The following CCNK variants were observed in gnomAD, a reference collection of about 807,000 sequenced individuals.
CCNK encodes the protein cyclin K, also known as cyclin-K.
In CCNK, 9 loss-of-function variants were observed where a neutral mutation model predicts 65.0. The ratio of observed to expected loss-of-function variants is 0.14; its 90% CI spans 0.08 to 0.24. CCNK has a LOEUF of 0.24. Ranked by LOEUF, CCNK falls within the 10% of genes least tolerant of loss-of-function variation. CCNK has a pLI of 1.00. For missense variants in CCNK, 474 were observed against 720.0 expected (o/e 0.66, Z 3.91); for synonymous variants, 279 against 270.8 (o/e 1.03, Z -0.30).
chr14:99,503,569 T>C (rs1360419591), intron 8 of CCNK, 42 bp from the exon 9 acceptor site: 2 of 1,530,122 alleles, frequency 1.3e-6, no homozygotes, highest in Non-Finnish European at 1.8e-6. Flanking sequence ...CTCATCATAC[T>C]CAGGATCCCA....
chr14:99,503,226 C>A, intron 8 of CCNK: 1 of 672,988 alleles, frequency 1.5e-6, no homozygotes, highest in South Asian at 1.6e-5. Flanking sequence ...CTGTTTCATC[C>A]CTGCCAGGGT....
intron 6 of CCNK, chr14:99,501,820 G>T: frequency 4.3e-6 from 1 of 232,534 alleles, no homozygotes; most frequent in South Asian, 8.0e-5. Context: ...CCTGTGAATG[G>T]AGTTGCTGCC....
chr14:99,510,542 C>G lies in CCNK; in HGVS notation c.1503C>G (p.Pro501=), dbSNP rs1175142398. 7 of 447,766 alleles carry G rather than the reference C, an allele frequency of 1.6e-5. No individual in the cohort carries two copies. Among genetic ancestry groups the G allele is most frequent in the Non-Finnish European group, 2.3e-5 (6 of 265,094 alleles). The allele number at this position is 447,766 out of a possible 1,614,324, so 27.7% of individuals were successfully genotyped here. ...CCTTCCCCCCACCTGCCATCCCACC[C>G]CCTACTCCTGGCTACCCCCCACCCC... is the stretch of plus-strand genomic sequence containing the variant. ...PASFPPPAIP[P]PTPGYPPPPP... The change falls in exon 11 of 11, where the codon CCC becomes CCG. Residue 501 remains proline (P), a synonymous_variant. Transcript: ENST00000389879.
At chr14:99,492,279 G>C (rs781430001) in intron 1 of CCNK, 2 of 165,506 alleles carry the variant, frequency 1.2e-5, no homozygotes, top group East Asian at 1.9e-4. Context: ...CTGGACCAGC[G>C]TTAGAGGACC....
At chr14:99,499,609 C>T (rs555013837) in intron 4 of CCNK, among the ~76,000 whole-genome samples, 1 of 152,300 alleles carries the variant, frequency 6.6e-6, no homozygotes, top group Non-Finnish European at 1.5e-5. Flanking sequence ...GTCCTCCCCG[C>T]ACACAGTGTC....
intron 6 of CCNK, 192 bp from the exon 7 acceptor site, chr14:99,502,012 TTAC>T: frequency 1.9e-6 from 1 of 521,142 alleles, no homozygotes; most frequent in Non-Finnish European, 3.1e-6. Context: ...AATAGAGAAA[TTAC>T]TAACTATGGT....
chr14:99,497,289 A>C (rs1187926607), intron 4 of CCNK, among the ~76,000 whole-genome samples: 1 of 152,176 alleles, frequency 6.6e-6, no homozygotes, highest in Non-Finnish European at 1.5e-5. Context: ...TGATATTTTT[A>C]CTGTCTCTAT....
intron 9 of CCNK, 133 bp downstream of exon 9, chr14:99,503,777 C>A: frequency 1.4e-6 from 1 of 707,336 alleles, no homozygotes; most frequent in Non-Finnish European, 2.4e-6. Context: ...CAAAACTTTT[C>A]CATCAGCATT....
chr14:99,507,036 A>G, intron 9 of CCNK, 40 bp from the exon 10 acceptor site: 1 of 1,164,922 alleles, frequency 8.6e-7, no homozygotes, highest in Non-Finnish European at 1.3e-6. Context: ...ATTCATGTGA[A>G]GAAGTATGAG....
rs1174944768 is a variant in CCNK, at chr14:99,503,659, T to A, written c.1045+15T>A. On this transcript the variant is annotated intron_variant, in intron 9 of 10. Coordinates refer to ENST00000389879, the MANE Select transcript of CCNK (RefSeq NM_001099402.2). ...CAAAGCAGCAGGTAATTTCCTGTTC[T>A]GATGTTTTTTTAGTTTTATGTGTTT... 1.9e-5 allele frequency: 30 copies of A among 1,552,102 alleles called. No homozygotes were observed. The highest frequency in any genetic ancestry group is 2.4e-5 in the Non-Finnish European group (27 of 1,146,350).
chr14:99,493,653 T>A, intron 3 of CCNK, 58 bp downstream of exon 3: 1 of 1,159,414 alleles, frequency 8.6e-7, no homozygotes, highest in South Asian at 1.3e-5. Context: ...CCACACAGTT[T>A]GGTGGACTAA....
chr14:99,491,860 C>G (rs79272147), intron 1 of CCNK: 2 of 152,368 alleles, frequency 1.3e-5, no homozygotes, highest in Non-Finnish European at 2.9e-5. Context: ...GTCTCTGATC[C>G]AGGTTACAAA....
At position 99,503,264 on chromosome 14, in the gene CCNK, G is replaced by A. The variant is rs185867403; in HGVS notation, c.1011+280G>A. The A allele has an allele frequency of 1.0e-3, 635 of 633,152 alleles. 4 individuals are homozygous for A. In the African/African-American group the frequency reaches 0.011, roughly 11 times the overall value. 39.2% of individuals were successfully genotyped at this position (633,152 alleles called of 1,614,324 possible). ...TGAAGCCTGTCGGTGTCGTTGCCGTGTCCTAGCAGTGTCGTTGTGCATGCT... is the reference window on the plus strand; with the variant it reads ...TGAAGCCTGTCGGTGTCGTTGCCGTATCCTAGCAGTGTCGTTGTGCATGCT... On this transcript the variant is annotated intron_variant, in intron 8 of 10. Coordinates refer to ENST00000389879, the MANE Select transcript of CCNK (RefSeq NM_001099402.2).
intron 6 of CCNK, 62 bp from the exon 7 acceptor site, chr14:99,502,145 C>T: frequency 1.3e-6 from 2 of 1,486,040 alleles, no homozygotes; most frequent in Non-Finnish European, 1.8e-6. Flanking sequence ...CATCTCCATG[C>T]ACTGGTTTAA....
At chr14:99,492,915 C>A in intron 2 of CCNK, 41 bp downstream of exon 2, 3 of 1,443,578 alleles carry the variant, frequency 2.1e-6, no homozygotes, top group Non-Finnish European at 2.8e-6. Context: ...GATAGGCTCC[C>A]CACTCACCAC....
At chr14:99,507,024 T>A in intron 9 of CCNK, 52 bp from the exon 10 acceptor site, 1 of 1,052,798 alleles carries the variant, frequency 9.5e-7, no homozygotes, top group South Asian at 1.3e-5. Flanking sequence ...TATGACATGC[T>A]TATTCATGTG....
rs374603739 is a variant in CCNK, at chr14:99,502,366, C to T, written c.735C>T (p.Asp245=). The part of the protein sequence containing the change: ...WEQFVQDVPV[D]VLEDICHQIL... ...AGTTTGTTCAAGATGTCCCGGTCGACGTTTTGGAAGGTACCAGGCATGCTA... is the reference window on the plus strand; with the variant it reads ...AGTTTGTTCAAGATGTCCCGGTCGATGTTTTGGAAGGTACCAGGCATGCTA... Residue 245 remains aspartate, a synonymous_variant, in exon 7 of 11, where the codon GAC becomes GAT. Transcript: ENST00000389879. 135 of 1,613,394 alleles carry T rather than the reference C, an allele frequency of 8.4e-5. 2 individuals are homozygous for T. In the African/African-American group the frequency reaches 1.4e-3, roughly 17 times the overall value.
intron 3 of CCNK, chr14:99,494,086 A>G (rs1466417278): frequency 6.5e-6 from 1 of 153,182 alleles, no homozygotes; most frequent in African/African-American, 2.4e-5. Context: ...GAGTTGTGGC[A>G]TTCAAGGAGG....
chr14:99,502,468 G>C, intron 7 of CCNK, 92 bp downstream of exon 7: 1 of 1,499,336 alleles, frequency 6.7e-7, no homozygotes, highest in Non-Finnish European at 8.9e-7. Flanking sequence ...GATTTTCCCA[G>C]ATAGACATAT....
Sources: gnomAD v4.1 joint callset for allele counts (sites outside exome capture counted in the v4.1 genomes callset) on GRCh38, gnomAD v4.1.1 for gene constraint, MANE v1.5 for transcripts, NCBI Gene and HGNC (gene_info 2026-07-23, HGNC 2026-07-21) for gene names.